Variants in SPPL2A observed in about 807,000 individuals in gnomAD.
The protein encoded by SPPL2A is signal peptide peptidase like 2A, also known as signal peptide peptidase-like 2A.
In SPPL2A, 51 loss-of-function variants were observed where a neutral mutation model predicts 63.8. The observed-to-expected ratio is 0.80, with a 90% CI of 0.64 to 1.01. The LOEUF is 1.01. Among genes scored for constraint, SPPL2A ranks in the 50% least tolerant of loss-of-function variants. The pLI is 0.00. For synonymous variants in SPPL2A, 188 were observed against 205.8 expected (o/e 0.91, Z 0.74); for missense variants, 553 against 622.7 (o/e 0.89, Z 1.19).
chr15:50,747,333 G>A (rs1273148867), intron 5 of SPPL2A, among the ~76,000 whole-genome samples, 162 bp downstream of exon 5: 1 of 152,108 alleles, frequency 6.6e-6, no homozygotes, highest in Non-Finnish European at 1.5e-5. Context: ...TTTTCTCTCT[G>A]GTGAAAATGT....
At chr15:50,740,799 C>T (rs866670858) in intron 5 of SPPL2A, among the ~76,000 whole-genome samples, 7 of 151,990 alleles carry the variant, frequency 4.6e-5, no homozygotes, top group South Asian at 2.1e-4. Flanking sequence ...TTAGTAGAGA[C>T]GGGGTTTCAC....
intron 14 of SPPL2A, among the ~76,000 whole-genome samples, chr15:50,712,661 C>T (rs1384308520): frequency 7.2e-6 from 1 of 138,358 alleles, no homozygotes; most frequent in Non-Finnish European, 1.6e-5. Context: ...TCCTCCCTTC[C>T]TCCCTCCCTC....
chr15:50,722,042 C>G, intron 13 of SPPL2A, 82 bp downstream of exon 13: 1 of 789,168 alleles, frequency 1.3e-6, no homozygotes, highest in Non-Finnish European at 2.2e-6. Flanking sequence ...CCAAACTGTA[C>G]TCCTTCTTTA....
intron 13 of SPPL2A, among the ~76,000 whole-genome samples, chr15:50,721,906 C>G (rs1281681932): frequency 2.6e-5 from 4 of 151,880 alleles, no homozygotes; most frequent in Non-Finnish European, 5.9e-5. Flanking sequence ...GTGCCTGGCC[C>G]TAAAACTGTT....
At chr15:50,712,858 G>C (rs2062570635) in intron 14 of SPPL2A, among the ~76,000 whole-genome samples, 1 of 151,738 alleles carries the variant, frequency 6.6e-6, no homozygotes, top group African/African-American at 2.4e-5. Context: ...GCTAATTTTT[G>C]TATTTTTAAT....
rs186663428 is a variant in SPPL2A at position 50,719,570 on chromosome 15, C to T, written c.1488+370G>A. Among the ~76,000 whole-genome samples, 5 of 152,264 alleles carry T rather than the reference C, an allele frequency of 3.3e-5. No individual in the cohort carries two copies. The East Asian group carries it at 9.7e-4, about 29-fold the overall frequency. On this transcript the variant is annotated intron_variant, in intron 14 of 14. Coordinates refer to ENST00000261854, the MANE Select transcript of SPPL2A (RefSeq NM_032802.4). ...AGAGTACACTTTTTATCTGCAAAAC[C>T]TTAGGACTCTTACTACAAATAGCTA...
At chr15:50,744,806 A>G (rs910963481) in intron 5 of SPPL2A, among the ~76,000 whole-genome samples, 1 of 152,178 alleles carries the variant, frequency 6.6e-6, no homozygotes, top group African/African-American at 2.4e-5. Context: ...GCGCCCCCAC[A>G]AACAGTACAT....
chr15:50,718,849 C>T (rs2062620730), intron 14 of SPPL2A, among the ~76,000 whole-genome samples: 1 of 152,068 alleles, frequency 6.6e-6, no homozygotes, highest in South Asian at 2.1e-4. Flanking sequence ...TTTCAGCCAC[C>T]CATCCAAAGT....
intron 11 of SPPL2A, 141 bp from the exon 12 acceptor site, chr15:50,725,464 A>C: frequency 1.8e-6 from 1 of 564,390 alleles, no homozygotes; most frequent in Non-Finnish European, 3.2e-6. Context: ...CTGTCGCCCA[A>C]GTGGAGTGCA....
At chr15:50,732,532 TA>T in intron 9 of SPPL2A, 70 bp downstream of exon 9, 1 of 914,400 alleles carries the variant, frequency 1.1e-6, no homozygotes, top group Non-Finnish European at 1.7e-6. Context: ...TAATTGTAGG[TA>T]AATTATGCCT....
At chr15:50,730,944 A>G (rs1455255176) in intron 10 of SPPL2A, 21 bp downstream of exon 10, 1 of 1,005,990 alleles carries the variant, frequency 9.9e-7, no homozygotes, top group South Asian at 1.3e-5. Context: ...TTCTTCACCC[A>G]TTTCAAAAAT....
intron 5 of SPPL2A, among the ~76,000 whole-genome samples, chr15:50,740,532 T>A (rs2062812065): frequency 6.6e-6 from 1 of 151,532 alleles, no homozygotes; most frequent in African/African-American, 2.4e-5. Context: ...TATATTGACA[T>A]AATAAATTTC....
chr15:50,750,439 A>T (rs533540068), intron 1 of SPPL2A, among the ~76,000 whole-genome samples: 1 of 152,162 alleles, frequency 6.6e-6, no homozygotes. Context: ...CTTACGTTCC[A>T]TATTCTACTA....
At chr15:50,728,492 C>T (rs551143551) in intron 10 of SPPL2A, among the ~76,000 whole-genome samples, 6 of 151,756 alleles carry the variant, frequency 4.0e-5, no homozygotes, top group Non-Finnish European at 8.8e-5. Context: ...TACAGGTGCC[C>T]GCCACCATGC....
chr15:50,729,743 C>T (rs748724836), intron 10 of SPPL2A, among the ~76,000 whole-genome samples: 1 of 151,958 alleles, frequency 6.6e-6, no homozygotes, highest in African/African-American at 2.4e-5. Context: ...AATTTTAGCT[C>T]CCCAATAGGG....
chr15:50,722,184 A>G lies in SPPL2A; in HGVS notation c.1267T>C (p.Cys423Arg). The G allele has an allele frequency of 6.3e-7, 1 of 1,593,222 alleles. No homozygotes were observed. Among genetic ancestry groups the G allele is most frequent in the South Asian group, 1.1e-5 (1 of 90,756 alleles). The change falls in exon 13 of 15, where the codon TGT becomes CGT. Residue 423 changes from cysteine to arginine, a missense_variant. Transcript: ENST00000261854. Reference protein sequence around the residue: ...IIVPGLLIAYCRRFDVQTGSS... With the variant: ...IIVPGLLIAYRRRFDVQTGSS... ...CCAGTCTGAACATCAAATCTTCTAC[A>G]GTATGCAATCAACAGGCCTTAAAAA... is the stretch of plus-strand genomic sequence containing the variant.
At chr15:50,756,078 G>C (rs764035712) in intron 1 of SPPL2A, among the ~76,000 whole-genome samples, 25 of 152,070 alleles carry the variant, frequency 1.6e-4, no homozygotes, top group Non-Finnish European at 2.9e-4. Context: ...GTCAGGGTCT[G>C]GACTGGGCGT....
At chr15:50,753,299 A>G (rs1240135234) in intron 1 of SPPL2A, among the ~76,000 whole-genome samples, 3 of 152,246 alleles carry the variant, frequency 2.0e-5, no homozygotes, top group Non-Finnish European at 4.4e-5. Flanking sequence ...TAAAGAGGCT[A>G]TTAAAAGAAA....
chr15:50,729,923 T>A (rs1401993478), intron 10 of SPPL2A, among the ~76,000 whole-genome samples: 1 of 151,216 alleles, frequency 6.6e-6, no homozygotes, highest in Admixed American at 6.6e-5. Context: ...ACTCCTGGGC[T>A]TGAGCCCAGG....
Sources: gnomAD v4.1 joint callset for allele counts (sites outside exome capture counted in the v4.1 genomes callset) on GRCh38, gnomAD v4.1.1 for gene constraint, MANE v1.5 for transcripts, NCBI Gene and HGNC (gene_info 2026-07-23, HGNC 2026-07-21) for gene names.